The following CEP85L variants were observed in gnomAD, a reference collection of about 807,000 sequenced individuals.
CEP85L encodes centrosomal protein 85L.
CEP85L carries 60 observed loss-of-function variants against 100.3 expected under a neutral mutation model. The observed-to-expected ratio is 0.60, with a 90% CI of 0.49 to 0.74. CEP85L has a LOEUF of 0.74. CEP85L is among the 30% of genes least tolerant of loss of function. The probability of loss-of-function intolerance (pLI) is 0.00; values close to 1 mark genes in which losing one functional copy is unlikely to be tolerated. For missense variants in CEP85L, 973 were observed against 936.2 expected, an observed-to-expected ratio of 1.04 and a Z score of -0.51; for synonymous variants, 319 against 322.7, an observed-to-expected ratio of 0.99 and a Z score of 0.12.
chr6:118,527,891 T>G (rs781680654), intron 3 of CEP85L, among the ~76,000 whole-genome samples: 2 of 152,202 alleles, frequency 1.3e-5, no homozygotes, highest in Non-Finnish European at 2.9e-5. Context: ...TTGTATATTA[T>G]ATTATTTTGT....
chr6:118,635,455 T>C (rs566818073), intron 1 of CEP85L, among the ~76,000 whole-genome samples: 4 of 152,270 alleles, frequency 2.6e-5, no homozygotes, highest in African/African-American at 9.6e-5. Flanking sequence ...TGACTATGTT[T>C]TACTAAAGGA....
intron 2 of CEP85L, among the ~76,000 whole-genome samples, chr6:118,567,205 ATGTATGTGTGTGTGTGTG>A (rs1165991519): frequency 1.3e-5 from 1 of 77,238 alleles, no homozygotes; most frequent in East Asian, 4.2e-4. Flanking sequence ...ATGAATATAT[ATGTATGTGTGTGTGTGTG>A]TGTGTGTGTG....
At chr6:118,630,096 T>C (rs554096444) in intron 2 of CEP85L, among the ~76,000 whole-genome samples, 17 of 152,224 alleles carry the variant, frequency 1.1e-4, no homozygotes, top group African/African-American at 2.4e-4. Flanking sequence ...CTTTTACATA[T>C]AGAACCTAAC....
intron 2 of CEP85L, among the ~76,000 whole-genome samples, chr6:118,612,790 G>T (rs1215891578): frequency 6.7e-6 from 1 of 150,150 alleles, no homozygotes; most frequent in Non-Finnish European, 1.5e-5. Flanking sequence ...ACAAAGAGCA[G>T]AAATTGCTGA....
chr6:118,469,030 T>G (rs1485843228), intron 12 of CEP85L, 42 bp downstream of exon 12: 3 of 1,385,112 alleles, frequency 2.2e-6, no homozygotes, highest in South Asian at 2.3e-5. Flanking sequence ...GAAGATAGGT[T>G]TCTAATTGCC....
chr6:118,625,326 T>G (rs1316706030), intron 2 of CEP85L, among the ~76,000 whole-genome samples: 3 of 152,288 alleles, frequency 2.0e-5, no homozygotes, highest in African/African-American at 7.2e-5. Context: ...CCATGTCCAT[T>G]TATACCGAAC....
rs1006105658 is a variant in CEP85L, at chr6:118,463,064, G to C, written c.*2341C>G. On this transcript the variant is annotated 3_prime_UTR_variant, in exon 13 of 13. Coordinates refer to ENST00000368491, the MANE Select transcript of CEP85L (RefSeq NM_001042475.3). ...TGGAAACTGAAATGCATCAGCAGTA[G>C]TTTTGTTAACTTCCTACTAAGTCAG... 1 of 151,812 alleles carries C rather than the reference G, an allele frequency of 6.6e-6. No homozygotes were observed. The highest frequency in any genetic ancestry group is 1.5e-5 in the Non-Finnish European group (1 of 67,832). 9.4% of individuals were successfully genotyped at this position (151,812 alleles called of 1,614,324 possible). A position where few individuals can be genotyped will look rare whatever the true frequency, so the allele number is the denominator to read the frequency against.
intron 1 of CEP85L, among the ~76,000 whole-genome samples, chr6:118,698,989 A>G (rs1391996216): frequency 6.6e-6 from 1 of 152,186 alleles, no homozygotes; most frequent in Non-Finnish European, 1.5e-5. Flanking sequence ...ATTTTTACTA[A>G]TAATATGCCC....
At position 118,473,490 on chromosome 6, in the gene CEP85L, G is replaced by C. The variant is rs188123141; in HGVS notation, c.1915-2846C>G. 1.9e-3 allele frequency among the ~76,000 whole-genome samples: 287 copies of C among 152,140 alleles called. 5 individuals are homozygous for C. The highest frequency in any genetic ancestry group is 9.3e-3 in the East Asian group (48 of 5,168). ...CTGAGAATAGTAGGAGAAAGAGTCA[G>C]AGAAGGAAGACAGCATGCAGAACAG... On this transcript the variant is annotated intron_variant, in intron 10 of 12. Coordinates refer to ENST00000368491, the MANE Select transcript of CEP85L (RefSeq NM_001042475.3).
At chr6:118,551,778 TG>T (rs573775721) in intron 3 of CEP85L, among the ~76,000 whole-genome samples, 147 of 152,160 alleles carry the variant, frequency 9.7e-4, no homozygotes, top group Non-Finnish European at 1.4e-3. Context: ...ACAGCCAGTC[TG>T]GACCAACAAA....
At chr6:118,685,318 C>T (rs1432778218) in intron 1 of CEP85L, among the ~76,000 whole-genome samples, 1 of 150,496 alleles carries the variant, frequency 6.6e-6, no homozygotes, top group East Asian at 1.9e-4. Flanking sequence ...ATGACAGCCT[C>T]CAGTTAATAA....
chr6:118,620,882 A>C (rs750403694), intron 2 of CEP85L, among the ~76,000 whole-genome samples: 1 of 152,154 alleles, frequency 6.6e-6, no homozygotes, highest in Non-Finnish European at 1.5e-5. Context: ...ATCATGCCTG[A>C]AAGTCCCACA....
Position 118,565,962 on chromosome 6 carries a change from A to T in CEP85L, c.587T>A (p.Leu196Gln). ...TAAACAGCTAGGCCCAATTGTCCTC[A>T]GTTGTGATGTTAAAGCCTTAGCCTT... ...IGKAKALTSQLRTIGPSCLHD... is the reference protein window; with the variant it reads ...IGKAKALTSQQRTIGPSCLHD... Residue 196 changes from leucine (L) to glutamine (Q), a missense_variant, in exon 3 of 13, where the codon CTG becomes CAG. Physicochemically the swap from Leu to Gln is moderately radical, Grantham distance 113. This residue lies in a region of CEP85L where 890 missense variants were observed against 844.5 expected (regional missense o/e 1.05). Transcript: ENST00000368491. 6.2e-7 allele frequency: 1 copy of T among 1,614,194 alleles called. No individual in the cohort carries two copies. Among genetic ancestry groups the T allele is most frequent in the Non-Finnish European group, 8.5e-7 (1 of 1,180,024 alleles).
chr6:118,566,339 A>C (rs760970358), intron 2 of CEP85L, 23 bp from the exon 3 acceptor site: 1 of 1,557,040 alleles, frequency 6.4e-7, no homozygotes, highest in East Asian at 2.3e-5. Flanking sequence ...AAGATGGTCA[A>C]ATTAGTTACA....
intron 1 of CEP85L, among the ~76,000 whole-genome samples, chr6:118,707,412 TGAAACTCCTGG>T (rs1777629001): frequency 6.6e-6 from 1 of 152,028 alleles, no homozygotes; most frequent in Non-Finnish European, 1.5e-5. Flanking sequence ...CAGGATGGAA[TGAAACTCCTGG>T]GCTCAAGCAA....
intron 2 of CEP85L, among the ~76,000 whole-genome samples, chr6:118,628,320 A>G (rs1466914539): frequency 6.6e-6 from 1 of 152,210 alleles, no homozygotes; most frequent in Non-Finnish European, 1.5e-5. Flanking sequence ...ACATCTTCCA[A>G]GAACAGACGG....
chr6:118,495,250 TA>T (rs1033870622), intron 5 of CEP85L, among the ~76,000 whole-genome samples: 5 of 152,294 alleles, frequency 3.3e-5, no homozygotes, highest in Admixed American at 2.0e-4. Context: ...GATTGTGTTT[TA>T]AAATGTGAGA....
chr6:118,578,666 T>C (rs1205278609), intron 2 of CEP85L, among the ~76,000 whole-genome samples: 1 of 152,060 alleles, frequency 6.6e-6, no homozygotes, highest in Non-Finnish European at 1.5e-5. Context: ...GAGGCGGACG[T>C]TGCCATGAGC....
At chr6:118,472,012 C>A (rs536663589) in intron 10 of CEP85L, among the ~76,000 whole-genome samples, 1 of 151,574 alleles carries the variant, frequency 6.6e-6, no homozygotes, top group East Asian at 1.9e-4. Flanking sequence ...AGAAGAAGGG[C>A]ATCATAGACA....
Sources: gnomAD v4.1 joint callset for allele counts (sites outside exome capture counted in the v4.1 genomes callset) on GRCh38, gnomAD v4.1.1 for gene constraint, gnomAD v4.1.1 regional missense constraint, MANE v1.5 for transcripts, NCBI Gene and HGNC (gene_info 2026-07-23, HGNC 2026-07-21) for gene names.